RGS6: variants seen among roughly 807,000 people sequenced by gnomAD.
RGS6 encodes regulator of G-protein signaling 6.
Under a neutral mutation model 78.5 loss-of-function variants are expected in RGS6, and 30 were observed. That is an observed-to-expected ratio of 0.38 (90% CI 0.29 to 0.52). The LOEUF (loss-of-function observed/expected upper bound fraction) is 0.52. Ranked by LOEUF, RGS6 falls within the 20% of genes least tolerant of loss-of-function variation. The probability of loss-of-function intolerance (pLI) is 0.85; values close to 1 mark genes in which losing one functional copy is unlikely to be tolerated. For missense variants in RGS6, 495 were observed against 609.7 expected (o/e 0.81, Z 1.98); for synonymous variants, 206 against 206.0 (o/e 1.00, Z 0.00).
intron 7 of RGS6, 130 bp from the exon 8 acceptor site, chr14:72,469,877 G>A: frequency 6.0e-6 from 4 of 666,114 alleles, no homozygotes; most frequent in South Asian, 5.3e-5. Context: ...CATGTCCAGG[G>A]GATTTAAAGC....
intron 12 of RGS6, among the ~76,000 whole-genome samples, chr14:72,490,165 G>A (rs576132949): frequency 6.6e-6 from 1 of 152,264 alleles, no homozygotes; most frequent in African/African-American, 2.4e-5. Flanking sequence ...GAATCATGGG[G>A]CAGGTCATTC....
At chr14:72,329,021 A>C (rs539107612) in intron 2 of RGS6, among the ~76,000 whole-genome samples, 70 of 152,206 alleles carry the variant, frequency 4.6e-4, no homozygotes, top group African/African-American at 1.6e-3. Flanking sequence ...ACAGGTGCCC[A>C]CCACCACACC....
chr14:72,600,504 C>T, the RGS6 span, among the ~76,000 whole-genome samples: 3 of 152,138 alleles, frequency 2.0e-5, no homozygotes, highest in Admixed American at 6.5e-5. Flanking sequence ...AAGGGTTGCA[C>T]GATAAGAGGC....
intron 3 of RGS6, among the ~76,000 whole-genome samples, chr14:72,385,968 G>A (rs1364336829): frequency 6.6e-6 from 1 of 152,098 alleles, no homozygotes; most frequent in Non-Finnish European, 1.5e-5. Context: ...TGAATATTCT[G>A]AAGGAGAACA....
chr14:72,530,975 G>C (rs1166629955), intron 15 of RGS6, among the ~76,000 whole-genome samples: 1 of 70,732 alleles, frequency 1.4e-5, no homozygotes, highest in Non-Finnish European at 2.4e-5. Flanking sequence ...GTGCTAGACA[G>C]TATGCATCTG....
intron 2 of RGS6, among the ~76,000 whole-genome samples, chr14:72,183,357 G>T (rs1022800668): frequency 2.0e-5 from 3 of 152,136 alleles, no homozygotes; most frequent in Admixed American, 6.5e-5. Flanking sequence ...CCTGCATGTA[G>T]ATCCAAGACC....
chr14:72,544,329 G>A (rs997671090), intron 17 of RGS6, among the ~76,000 whole-genome samples: 9 of 152,208 alleles, frequency 5.9e-5, no homozygotes, highest in Non-Finnish European at 1.0e-4. Flanking sequence ...ACTGAAGTTA[G>A]GAGAAAATGG....
At chr14:72,394,746 G>T (rs2090788887) in intron 3 of RGS6, among the ~76,000 whole-genome samples, 1 of 152,050 alleles carries the variant, frequency 6.6e-6, no homozygotes, top group Non-Finnish European at 1.5e-5. Flanking sequence ...ATCATTACAG[G>T]GTCCTGAGGT....
intron 2 of RGS6, among the ~76,000 whole-genome samples, chr14:72,322,814 G>T (rs1276281959): frequency 6.6e-6 from 1 of 151,942 alleles, no homozygotes; most frequent in African/African-American, 2.4e-5. Context: ...ATAAATACTT[G>T]AACAGGTGTT....
chr14:72,240,333 G>C (rs955409669), intron 2 of RGS6, among the ~76,000 whole-genome samples: 1 of 152,016 alleles, frequency 6.6e-6, no homozygotes, highest in Non-Finnish European at 1.5e-5. Flanking sequence ...GGGGTGGGGG[G>C]GATTTTTAAA....
intron 2 of RGS6, among the ~76,000 whole-genome samples, chr14:72,228,361 A>G (rs912845176): frequency 6.6e-6 from 1 of 152,010 alleles, no homozygotes; most frequent in African/African-American, 2.4e-5. Flanking sequence ...AGCCTGAGCA[A>G]CAGAGCGAGA....
intron 2 of RGS6, among the ~76,000 whole-genome samples, chr14:72,055,728 A>G (rs867177600): frequency 9.9e-5 from 15 of 152,246 alleles, no homozygotes; most frequent in Admixed American, 5.2e-4. Context: ...AAATACAGAA[A>G]TCTTGACAAG....
chr14:72,027,651 A>G (rs1257442323), intron 2 of RGS6, among the ~76,000 whole-genome samples: 1 of 152,178 alleles, frequency 6.6e-6, no homozygotes, highest in Non-Finnish European at 1.5e-5. Context: ...TCTGGGAGGT[A>G]CAGAGTCTAG....
chr14:71,889,472 A>G, the RGS6 span, among the ~76,000 whole-genome samples: 1 of 152,084 alleles, frequency 6.6e-6, no homozygotes, highest in Admixed American at 6.5e-5. Context: ...GGATTTTAGG[A>G]CTCACAGAAT....
the RGS6 span, among the ~76,000 whole-genome samples, chr14:71,905,218 T>G: frequency 2.0e-5 from 3 of 152,232 alleles, no homozygotes; most frequent in African/African-American, 4.8e-5. Flanking sequence ...CTACACGGAC[T>G]TCTCATTGGT....
intron 2 of RGS6, among the ~76,000 whole-genome samples, chr14:72,188,269 T>A (rs184867676): frequency 5.9e-4 from 90 of 152,146 alleles, no homozygotes; most frequent in Admixed American, 3.5e-3. Context: ...GTTATGTATT[T>A]ATCAGTTGAT....
chr14:72,157,126 T>A (rs1443721569), intron 2 of RGS6, among the ~76,000 whole-genome samples: 1 of 152,182 alleles, frequency 6.6e-6, no homozygotes, highest in Non-Finnish European at 1.5e-5. Flanking sequence ...TAGGAAGTGT[T>A]GAATTAGGTG....
chr14:72,413,684 T>C (rs967555599), intron 3 of RGS6, among the ~76,000 whole-genome samples: 3 of 152,238 alleles, frequency 2.0e-5, no homozygotes, highest in African/African-American at 7.2e-5. Flanking sequence ...CAATTTGGCA[T>C]GTTTTTGCAG....
At chr14:71,895,628 G>T in the RGS6 span, among the ~76,000 whole-genome samples, 7 of 152,198 alleles carry the variant, frequency 4.6e-5, no homozygotes, top group Non-Finnish European at 8.8e-5. Flanking sequence ...GGAGCAGATG[G>T]CTCAGTCTTA....
Sources: gnomAD v4.1 joint callset for allele counts (sites outside exome capture counted in the v4.1 genomes callset) on GRCh38, gnomAD v4.1.1 for gene constraint, MANE v1.5 for transcripts, NCBI Gene and HGNC (gene_info 2026-07-23, HGNC 2026-07-21) for gene names.